Variants in IQSEC1 observed in about 807,000 individuals in gnomAD.
IQSEC1 encodes IQ motif and SEC7 domain-containing protein 1.
In IQSEC1, 31 loss-of-function variants were observed where a neutral mutation model predicts 91.0. The observed-to-expected ratio is 0.34, with a 90% CI of 0.26 to 0.46. IQSEC1 has a LOEUF of 0.46. IQSEC1 is among the 20% of genes least tolerant of loss of function. The pLI is 1.00. For missense variants in IQSEC1, 1,388 were observed against 1,575.6 expected, an observed-to-expected ratio of 0.88 and a Z score of 2.02; for synonymous variants, 699 against 662.6, an observed-to-expected ratio of 1.05 and a Z score of -0.84.
At chr3:13,096,618 C>A (rs1338593602) in intron 2 of IQSEC1, among the ~76,000 whole-genome samples, 1 of 152,140 alleles carries the variant, frequency 6.6e-6, no homozygotes, top group East Asian at 1.9e-4. Flanking sequence ...AGAAAACACA[C>A]CCCAGAGAGG....
intron 1 of IQSEC1, among the ~76,000 whole-genome samples, chr3:13,197,158 G>C (rs977670839): frequency 6.6e-6 from 1 of 152,196 alleles, no homozygotes; most frequent in Non-Finnish European, 1.5e-5. Context: ...GGAGCCTGAA[G>C]ACATCTGAAC....
intron 1 of IQSEC1, among the ~76,000 whole-genome samples, chr3:13,063,872 C>T (rs951807152): frequency 2.0e-5 from 3 of 152,190 alleles, no homozygotes; most frequent in Middle Eastern, 3.2e-3. Context: ...GGAACTGAGA[C>T]TGGGAGGTCA....
intron 2 of IQSEC1, among the ~76,000 whole-genome samples, chr3:13,123,743 A>G (rs1386504567): frequency 6.6e-6 from 1 of 152,210 alleles, no homozygotes; most frequent in African/African-American, 2.4e-5. Flanking sequence ...CAAGGTGGGA[A>G]AGGAAGGATG....
At chr3:13,257,256 A>G (rs1340564444) in intron 1 of IQSEC1, among the ~76,000 whole-genome samples, 2 of 152,198 alleles carry the variant, frequency 1.3e-5, no homozygotes, top group African/African-American at 4.8e-5. Context: ...GCATGATTTC[A>G]CATGTAAGCT....
chr3:13,022,601 G>C (rs951492985), intron 1 of IQSEC1: 7 of 285,060 alleles, frequency 2.5e-5, no homozygotes, highest in Middle Eastern at 1.7e-3. Context: ...AGGGAGGCGG[G>C]CGGGGAGGCG....
intron 5 of IQSEC1, 124 bp downstream of exon 5, chr3:12,921,996 A>G: frequency 4.1e-6 from 5 of 1,234,228 alleles, no homozygotes; most frequent in Non-Finnish European, 5.4e-6. Flanking sequence ...CCAAAGCAAC[A>G]TTCAGGGACA....
chr3:13,264,412 C>G (rs895655912), intron 1 of IQSEC1, among the ~76,000 whole-genome samples: 1 of 152,194 alleles, frequency 6.6e-6, no homozygotes, highest in Non-Finnish European at 1.5e-5. Context: ...CCGCTGCCTG[C>G]TCTCCTGGGT....
At chr3:13,185,021 G>A (rs1693906932) in intron 1 of IQSEC1, among the ~76,000 whole-genome samples, 1 of 152,176 alleles carries the variant, frequency 6.6e-6, no homozygotes, top group Non-Finnish European at 1.5e-5. Flanking sequence ...GAAAACCAGA[G>A]AGCAAGAGTC....
chr3:12,967,666 C>T lies in IQSEC1; in HGVS notation c.24-25801G>A. ...GTCCGAGCCCCAGGCCAGCCAAGCC[C>T]GCCCCTCCGCCGCCGCCCGCTTGGC... On this transcript the variant is annotated intron_variant, in intron 1 of 13. Transcript: ENST00000613206. The surrounding 1 kb of genome is among the most constrained non-coding windows in gnomAD (Gnocchi z 5.9). 3 of 1,177,868 alleles carry T rather than the reference C, an allele frequency of 2.5e-6. No homozygotes were observed. The highest frequency in any genetic ancestry group is 3.1e-6 in the Non-Finnish European group (3 of 954,590). 73.0% of individuals were successfully genotyped at this position (1,177,868 alleles called of 1,614,324 possible).
At chr3:13,054,266 A>G (rs1314862200) in intron 1 of IQSEC1, among the ~76,000 whole-genome samples, 3 of 152,158 alleles carry the variant, frequency 2.0e-5, no homozygotes, top group Non-Finnish European at 4.4e-5. Context: ...TTTTTGGGCT[A>G]TGGGTACACC....
intron 2 of IQSEC1, among the ~76,000 whole-genome samples, chr3:13,155,375 C>A (rs1707068951): frequency 6.6e-6 from 1 of 152,158 alleles, no homozygotes; most frequent in Non-Finnish European, 1.5e-5. Flanking sequence ...ATCATATAAC[C>A]TAGATGATTC....
rs1378026827 is a variant in IQSEC1, at chr3:13,199,505, C to T, written c.273-35372G>A. The stretch of plus-strand genomic sequence containing the variant: ...CATTGCCTCAAATCCTCCCCACAGC[C>T]CAGCTCTGAGCAGCACCGGTGTCCC... On this transcript the variant is annotated intron_variant, in intron 1 of 15. Transcript: ENST00000648114. Among the ~76,000 whole-genome samples the T allele has an allele frequency of 2.0e-5, 3 of 152,318 alleles. No individual in the cohort carries two copies. In the East Asian group the frequency reaches 5.8e-4, roughly 29 times the overall value.
intron 1 of IQSEC1, among the ~76,000 whole-genome samples, chr3:13,182,781 C>A (rs888421318): frequency 6.6e-6 from 1 of 152,164 alleles, no homozygotes; most frequent in Non-Finnish European, 1.5e-5. Context: ...ATGTGAGCTG[C>A]AGCTAAAGCA....
At position 12,901,102 on chromosome 3, in the gene IQSEC1, G is replaced by A. The variant is rs909087314; in HGVS notation, c.3226C>T (p.His1076Tyr). The change falls in exon 14 of 14, where the codon CAC becomes TAC. Residue 1076 changes from histidine (H) to tyrosine (Y), a missense_variant. By Grantham distance (83) the His-to-Tyr change is moderately conservative. Coordinates refer to ENST00000613206, the MANE Select transcript of IQSEC1 (RefSeq NM_001134382.3). ...HPAYGAHAHG[H>Y]PPLPSAHVGH... The stretch of plus-strand genomic sequence containing the variant: ...ACGTGGGCCGAGGGCAGCGGCGGGT[G>A]GCCGTGGGCATGGGCCCCGTAGGCT... 1 of 1,539,494 alleles carries A rather than the reference G, an allele frequency of 6.5e-7. No individual in the cohort carries two copies. Among genetic ancestry groups the A allele is most frequent in the Admixed American group, 2.0e-5 (1 of 50,702 alleles).
At chr3:12,933,560 A>C (rs1575957753) in intron 3 of IQSEC1, among the ~76,000 whole-genome samples, 1 of 152,120 alleles carries the variant, frequency 6.6e-6, no homozygotes, top group African/African-American at 2.4e-5. Context: ...CTTTACCCTC[A>C]CCGCCCTGGG....
At position 12,900,437 on chromosome 3, in the gene IQSEC1, G is replaced by A. The variant is rs891687587; in HGVS notation, c.*546C>T. ...TGAAACGCCTGCCTTTCACACACAAGTACTACCTATACAGTATATATATAT... is the reference window on the plus strand; with the variant it reads ...TGAAACGCCTGCCTTTCACACACAAATACTACCTATACAGTATATATATAT... On this transcript the variant is annotated 3_prime_UTR_variant, in exon 14 of 14. Transcript: ENST00000613206. 2.6e-5 allele frequency: 23 copies of A among 886,288 alleles called. No individual in the cohort carries two copies. The highest frequency in any genetic ancestry group is 6.3e-5 in the Admixed American group (1 of 15,772). 54.9% of individuals were successfully genotyped at this position (886,288 alleles called of 1,614,324 possible). A position where few individuals can be genotyped will look rare whatever the true frequency, so the allele number is the denominator to read the frequency against.
At chr3:12,927,039 A>G (rs1697206350) in intron 3 of IQSEC1, among the ~76,000 whole-genome samples, 1 of 152,006 alleles carries the variant, frequency 6.6e-6, no homozygotes, top group Admixed American at 6.5e-5. Context: ...CCAAACAAGA[A>G]CTGCTCCAAT....
At chr3:13,133,992 T>A (rs928108303) in intron 2 of IQSEC1, among the ~76,000 whole-genome samples, 1 of 152,236 alleles carries the variant, frequency 6.6e-6, no homozygotes, top group Non-Finnish European at 1.5e-5. Context: ...GGCCAGCCTT[T>A]CTTACAGCAA....
rs781000761 is a variant in IQSEC1 at position 12,935,880 on chromosome 3, C to T, written c.1136G>A (p.Ser379Asn). The change falls in exon 3 of 14, where the codon AGT (serine) becomes AAT (asparagine). Residue 379 changes from serine (S) to asparagine (N), a missense_variant. Physicochemically the swap from Ser to Asn is conservative, Grantham distance 46. Coordinates refer to ENST00000613206, the MANE Select transcript of IQSEC1 (RefSeq NM_001134382.3). This position sits in a 1 kb window ranked among gnomAD's most constrained non-coding sequence, Gnocchi z 8.0. ...GAGTGACCCCCGCTCCGAGCGGTCA[C>T]TAAGGTCCACAGAGCTGTCGCTGGG... ...EPPSDSSVDLSDRSERGSLKR... is the reference protein window; with the variant it reads ...EPPSDSSVDLNDRSERGSLKR... The T allele has an allele frequency of 1.9e-6, 3 of 1,605,892 alleles. No individual in the cohort carries two copies. Among genetic ancestry groups the T allele is most frequent in the East Asian group, 2.2e-5 (1 of 44,860 alleles).
Sources: gnomAD v4.1 joint callset for allele counts (sites outside exome capture counted in the v4.1 genomes callset) on GRCh38, gnomAD v4.1.1 for gene constraint, Gnocchi (gnomAD v3.1) non-coding constraint, MANE v1.5 for transcripts, NCBI Gene and HGNC (gene_info 2026-07-23, HGNC 2026-07-21) for gene names.